The following IGF2R variants were observed in gnomAD, a reference collection of about 807,000 sequenced individuals.
IGF2R encodes the protein cation-independent mannose-6-phosphate receptor.
Under a neutral mutation model 270.6 loss-of-function variants are expected in IGF2R, and 91 were observed. The observed-to-expected ratio is 0.34, with a 90% CI of 0.28 to 0.40. IGF2R has a LOEUF of 0.40. Ranked by LOEUF, IGF2R falls within the 10% of genes least tolerant of loss-of-function variation. The probability of loss-of-function intolerance (pLI) is 1.00; values close to 1 mark genes in which losing one functional copy is unlikely to be tolerated. For synonymous variants in IGF2R, 1,316 were observed against 1,258.9 expected (o/e 1.05, Z -0.96); for missense variants, 2,805 against 3,188.3 (o/e 0.88, Z 2.90).
In IGF2R at chr6:160,089,165, G is replaced by C. The variant is rs142990243; in HGVS notation, c.6379G>C (p.Val2127Leu). ...CTGGGACTCCCGGGCTGCCTGCGCC[G>C]TGAAGCCTCAGGAGGTGCAGATGGT... Reference protein sequence around the residue: ...FSWDSRAACAVKPQEVQMVNG... With the variant: ...FSWDSRAACALKPQEVQMVNG... Residue 2127 changes from valine to leucine, a missense_variant, in exon 43 of 48, where the codon GTG (valine) becomes CTG (leucine). Transcript: ENST00000356956. 1.9e-6 allele frequency: 3 copies of C among 1,613,902 alleles called. No homozygotes were observed. Among genetic ancestry groups the C allele is most frequent in the Non-Finnish European group, 1.7e-6 (2 of 1,179,814 alleles).
chr6:160,089,459 G>T (rs752001395), intron 43 of IGF2R, among the ~76,000 whole-genome samples: 7 of 152,234 alleles, frequency 4.6e-5, no homozygotes, highest in Non-Finnish European at 8.8e-5. Context: ...GAATTCTCAT[G>T]AGTGTAAAAA....
intron 2 of IGF2R, among the ~76,000 whole-genome samples, chr6:159,999,549 T>C (rs769268812): frequency 2.0e-5 from 3 of 152,216 alleles, no homozygotes; most frequent in Non-Finnish European, 2.9e-5. Context: ...TCTGAATGTG[T>C]GGCTCTGAGA....
intron 1 of IGF2R, among the ~76,000 whole-genome samples, chr6:159,978,642 G>T (rs987185421): frequency 6.6e-6 from 1 of 151,906 alleles, no homozygotes; most frequent in Non-Finnish European, 1.5e-5. Flanking sequence ...ATTCCACCTT[G>T]CTGTGCAACT....
Position 159,980,314 on chromosome 6 carries a change from T to C in IGF2R, c.150-10870T>C, listed in dbSNP as rs190268842. Among the ~76,000 whole-genome samples the C allele has an allele frequency of 2.9e-3, 444 of 152,260 alleles. 1 individual carries two copies. The highest frequency in any genetic ancestry group is 9.9e-3 in the African/African-American group (412 of 41,556). On this transcript the variant is annotated intron_variant, in intron 1 of 47. Coordinates refer to ENST00000356956, the MANE Select transcript of IGF2R (RefSeq NM_000876.4). Reference sequence around the variant, plus strand: ...CCTAGGTGAGGGTTGCAGTTGAGCATGGTAGCTGCTTTTCCTCTTCAGGTT... The same window carrying C: ...CCTAGGTGAGGGTTGCAGTTGAGCACGGTAGCTGCTTTTCCTCTTCAGGTT...
chr6:160,046,425 A>G, intron 14 of IGF2R, 73 bp from the exon 15 acceptor site: 2 of 1,439,842 alleles, frequency 1.4e-6, no homozygotes, highest in Non-Finnish European at 9.4e-7. Context: ...TCCCTTTCAA[A>G]CTGTGGGGTG....
At position 160,046,481 on chromosome 6, in the gene IGF2R, T is replaced by C. The variant is rs1228986841; in HGVS notation, c.1904-17T>C. 3 of 1,599,286 alleles carry C rather than the reference T, an allele frequency of 1.9e-6. No individual in the cohort carries two copies. Among genetic ancestry groups the C allele is most frequent in the Non-Finnish European group, 2.6e-6 (3 of 1,176,132 alleles). ...GGACTGACCTTCCATACTTTTATTG[T>C]TTTTATTCTTTCTTAGGGTTTTCTT... On this transcript the variant is annotated splice_polypyrimidine_tract_variant and intron_variant, in intron 14 of 47. Coordinates refer to ENST00000356956, the MANE Select transcript of IGF2R (RefSeq NM_000876.4).
intron 35 of IGF2R, 59 bp from the exon 36 acceptor site, chr6:160,075,788 C>T: frequency 6.4e-7 from 1 of 1,561,524 alleles, no homozygotes; most frequent in Non-Finnish European, 8.8e-7. Context: ...TTCTTAATTC[C>T]ACTAACCTTG....
chr6:160,049,245 C>T (rs941861546), intron 18 of IGF2R, among the ~76,000 whole-genome samples: 1 of 152,174 alleles, frequency 6.6e-6, no homozygotes, highest in Non-Finnish European at 1.5e-5. Context: ...GCAATGAGTT[C>T]AGTGTATAGT....
At chr6:160,000,718 G>A (rs968749738) in intron 2 of IGF2R, among the ~76,000 whole-genome samples, 1 of 143,956 alleles carries the variant, frequency 6.9e-6, no homozygotes. Context: ...ATAATAGTTG[G>A]TGTGAGGTTG....
At chr6:160,032,009 C>A (rs1452735112) in intron 7 of IGF2R, among the ~76,000 whole-genome samples, 2 of 152,174 alleles carry the variant, frequency 1.3e-5, no homozygotes, top group Non-Finnish European at 2.9e-5. Flanking sequence ...GCCCTGGCTT[C>A]ACCCAGGAGC....
intron 5 of IGF2R, among the ~76,000 whole-genome samples, chr6:160,026,245 G>A (rs538457251): frequency 6.6e-6 from 1 of 152,322 alleles, no homozygotes; most frequent in Admixed American, 6.5e-5. Flanking sequence ...GTCCATTTGT[G>A]AAATTTCATA....
chr6:159,987,266 G>T (rs548773242), intron 1 of IGF2R, among the ~76,000 whole-genome samples: 2 of 152,158 alleles, frequency 1.3e-5, no homozygotes, highest in African/African-American at 4.8e-5. Context: ...CATATCTAGT[G>T]ATAGTTTAAC....
chr6:160,097,129 A>G (rs1318540804), intron 45 of IGF2R, among the ~76,000 whole-genome samples: 1 of 152,226 alleles, frequency 6.6e-6, no homozygotes, highest in African/African-American at 2.4e-5. Flanking sequence ...ATGAATGAAA[A>G]GCTTACTCTC....
chr6:159,994,667 T>C (rs991546699), intron 2 of IGF2R, among the ~76,000 whole-genome samples: 1 of 152,206 alleles, frequency 6.6e-6, no homozygotes, highest in Non-Finnish European at 1.5e-5. Flanking sequence ...TTCAAAAAAT[T>C]TTTACATTTC....
In IGF2R at chr6:160,029,398, C is replaced by G. The variant is rs564816650; in HGVS notation, c.777-152C>G. 132 of 500,272 alleles carry G rather than the reference C, an allele frequency of 2.6e-4. 1 individual carries two copies. The East Asian group carries it at 3.1e-3, about 12-fold the overall frequency. The allele number at this position is 500,272 out of a possible 1,614,324, so 31.0% of individuals were successfully genotyped here. On this transcript the variant is annotated intron_variant, in intron 6 of 47. Coordinates refer to ENST00000356956, the MANE Select transcript of IGF2R (RefSeq NM_000876.4). Reference sequence around the variant, plus strand: ...TTTTTTTTTCAAATGGAAATAAAGTCATTTTATACCATATCTACTTTTATA... The same window carrying G: ...TTTTTTTTTCAAATGGAAATAAAGTGATTTTATACCATATCTACTTTTATA...
Position 160,079,672 on chromosome 6 carries a change from G to A in IGF2R, c.5571G>A (p.Leu1857=). Residue 1857 remains leucine, a synonymous_variant, in exon 38 of 48, where the codon CTG becomes CTA. Coordinates refer to ENST00000356956, the MANE Select transcript of IGF2R (RefSeq NM_000876.4). ...GCTGTAAGGACGGAGGAGTCTGTCT[G>A]CTCTCAGGCACCAAGGGGGCATCCT... is the stretch of plus-strand genomic sequence containing the variant. ...QGGCKDGGVC[L]LSGTKGASFG... is the part of the protein sequence containing the mutation. 1 of 1,563,604 alleles carries A rather than the reference G, an allele frequency of 6.4e-7. No homozygotes were observed. Among genetic ancestry groups the A allele is most frequent in the African/African-American group, 1.4e-5 (1 of 73,050 alleles).
At chr6:159,976,927 C>G (rs916211375) in intron 1 of IGF2R, among the ~76,000 whole-genome samples, 2 of 152,194 alleles carry the variant, frequency 1.3e-5, no homozygotes, top group South Asian at 4.1e-4. Flanking sequence ...TGCTGTTCAG[C>G]TTTTCTTTGC....
rs76130099 is a variant in IGF2R, at chr6:160,080,143, G to A, written c.5701G>A (p.Val1901Ile). The A allele has an allele frequency of 8.6e-3, 13,883 of 1,614,040 alleles. 72 individuals are homozygous for A. Among genetic ancestry groups the A allele is most frequent in the African/African-American group, 0.011 (834 of 75,050 alleles). Residue 1901 changes from valine (V) to isoleucine (I), a missense_variant, in exon 39 of 48, where the codon GTC becomes ATC. Physicochemically the swap from Val to Ile is conservative, Grantham distance 29. Around this residue, in one of 2 missense-constraint regions of IGF2R, gnomAD observed 1,851 missense variants for 2,207.2 expected, o/e 0.84. Coordinates refer to ENST00000356956, the MANE Select transcript of IGF2R (RefSeq NM_000876.4). ...DRCPPETDDGVPCVFPFIFNG... is the reference protein window; with the variant it reads ...DRCPPETDDGIPCVFPFIFNG... Reference sequence around the variant, plus strand: ...CTTCTTTCCAGAAACCGATGACGGCGTCCCCTGTGTCTTCCCCTTCATATT... The same window carrying A: ...CTTCTTTCCAGAAACCGATGACGGCATCCCCTGTGTCTTCCCCTTCATATT...
intron 13 of IGF2R, 36 bp from the exon 14 acceptor site, chr6:160,045,709 G>T: frequency 6.2e-7 from 1 of 1,612,634 alleles, no homozygotes. Flanking sequence ...AGGAATGAAC[G>T]GATTAGTGAT....
Sources: gnomAD v4.1 joint callset for allele counts (sites outside exome capture counted in the v4.1 genomes callset) on GRCh38, gnomAD v4.1.1 for gene constraint, gnomAD v4.1.1 regional missense constraint, MANE v1.5 for transcripts, NCBI Gene and HGNC (gene_info 2026-07-23, HGNC 2026-07-21) for gene names.